Variants in PARD3 observed in about 807,000 individuals in gnomAD.
PARD3 encodes the protein par-3 family cell polarity regulator.
In PARD3, 75 loss-of-function variants were observed where a neutral mutation model predicts 155.4. The ratio of observed to expected loss-of-function variants is 0.48; its 90% CI spans 0.40 to 0.58. The LOEUF (loss-of-function observed/expected upper bound fraction) is 0.58. PARD3 is among the 20% of genes least tolerant of loss of function. PARD3 has a pLI of 0.00. For missense variants in PARD3, 1,642 were observed against 1,721.7 expected (o/e 0.95, Z 0.82); for synonymous variants, 576 against 610.5 (o/e 0.94, Z 0.83).
At chr10:34,666,366 T>C (rs991053343) in intron 2 of PARD3, among the ~76,000 whole-genome samples, 10 of 152,298 alleles carry the variant, frequency 6.6e-5, no homozygotes, top group African/African-American at 2.2e-4. Context: ...CCAATTACTA[T>C]TGAGTTTCTT....
rs973851783 is a variant in PARD3 at position 34,230,763 on chromosome 10, C to A, written c.3419+38894G>T. ...AGGGGCTGGGATTGGTGTGGTGGCT[C>A]ACGCCCATAATCCCAGTGCTTTGGG... On this transcript the variant is annotated intron_variant, in intron 22 of 24. Coordinates refer to ENST00000374788, the MANE Select transcript of PARD3 (RefSeq NM_001184785.2). Among the ~76,000 whole-genome samples, 14 of 152,120 alleles carry A rather than the reference C, an allele frequency of 9.2e-5. 1 individual carries two copies. The highest frequency in any genetic ancestry group is 3.4e-4 in the African/African-American group (14 of 41,366).
chr10:34,679,258 T>G (rs887067373), intron 2 of PARD3, among the ~76,000 whole-genome samples: 3 of 152,066 alleles, frequency 2.0e-5, no homozygotes, highest in African/African-American at 7.2e-5. Flanking sequence ...GACTCCAGGT[T>G]CACCAGGGAA....
intron 19 of PARD3, among the ~76,000 whole-genome samples, chr10:34,324,689 A>C (rs1247627017): frequency 2.0e-5 from 3 of 152,146 alleles, no homozygotes; most frequent in Non-Finnish European, 4.4e-5. Context: ...AAGATTAAGA[A>C]AGCTTGGTAA....
rs182205626 is a variant in PARD3, at chr10:34,573,242, G to A, written c.223-56083C>T. On this transcript the variant is annotated intron_variant, in intron 2 of 24. Transcript: ENST00000374788. ...GTGATGGCACATGTCTGTAGTCCCAGCTACTCAAGAGGCTGAGGTTGGAGG... is the reference window on the plus strand; with the variant it reads ...GTGATGGCACATGTCTGTAGTCCCAACTACTCAAGAGGCTGAGGTTGGAGG... Among the ~76,000 whole-genome samples, 30 of 152,152 alleles carry A rather than the reference G, an allele frequency of 2.0e-4. 1 individual carries two copies. In the East Asian group the frequency reaches 5.8e-3, roughly 29 times the overall value.
At chr10:34,447,892 T>C (rs2076837595) in intron 5 of PARD3, among the ~76,000 whole-genome samples, 1 of 152,142 alleles carries the variant, frequency 6.6e-6, no homozygotes, top group East Asian at 1.9e-4. Context: ...GGTGGTAATG[T>C]AAATTAGGAC....
Position 34,723,538 on chromosome 10 carries a change from T to A in PARD3, c.121-27119A>T, listed in dbSNP as rs1354529505. On this transcript the variant is annotated intron_variant, in intron 1 of 24. Coordinates refer to ENST00000374788, the MANE Select transcript of PARD3 (RefSeq NM_001184785.2). ...TTTAAGGTCACCTCTGATAAGATCA[T>A]AAACTTCTTTGAGCTCATATCACCA... Among the ~76,000 whole-genome samples, 6 of 152,346 alleles carry A rather than the reference T, an allele frequency of 3.9e-5. No homozygotes were observed. The South Asian group carries it at 6.2e-4, about 16-fold the overall frequency.
Position 34,563,478 on chromosome 10 carries a change from TGCCTCA to T in PARD3, c.223-46325_223-46320del, listed in dbSNP as rs1424365777. On this transcript the variant is annotated intron_variant, in intron 2 of 24. Coordinates refer to ENST00000374788, the MANE Select transcript of PARD3 (RefSeq NM_001184785.2). ...ACCTCCCGGGTTCAAGCGATTCTCC[TGCCTCA>T]GCCTCCCAAGTAGCTGTGAATATAG... Among the ~76,000 whole-genome samples, 3 of 151,614 alleles carry T rather than the reference TGCCTCA, an allele frequency of 2.0e-5. No homozygotes were observed. The East Asian group carries it at 5.8e-4, about 29-fold the overall frequency.
intron 22 of PARD3, among the ~76,000 whole-genome samples, chr10:34,154,187 T>C (rs686993): frequency 0.35 from 52,556 of 152,114 alleles, 9,660 homozygotes; most frequent in African/African-American, 0.47. Flanking sequence ...AGTTTTCTGA[T>C]GAACAGACTT....
chr10:34,399,485 CAAA>C, intron 6 of PARD3, 72 bp from the exon 7 acceptor site: 2 of 918,662 alleles, frequency 2.2e-6, no homozygotes, highest in Non-Finnish European at 3.6e-6. Flanking sequence ...CAAAACAAAA[CAAA>C]AAACTGCAAC....
At chr10:34,736,198 T>A (rs982337608) in intron 1 of PARD3, among the ~76,000 whole-genome samples, 1 of 151,628 alleles carries the variant, frequency 6.6e-6, no homozygotes, top group African/African-American at 2.4e-5. Context: ...CACCCGCTAA[T>A]TTTTTGTATT....
At chr10:34,282,025 C>A (rs952712083) in intron 21 of PARD3, among the ~76,000 whole-genome samples, 4 of 151,878 alleles carry the variant, frequency 2.6e-5, no homozygotes, top group Non-Finnish European at 5.9e-5. Flanking sequence ...AGTTTCCATT[C>A]TCAAAAAGAA....
At chr10:34,605,005 T>G (rs1054565971) in intron 2 of PARD3, among the ~76,000 whole-genome samples, 1 of 151,984 alleles carries the variant, frequency 6.6e-6, no homozygotes, top group Non-Finnish European at 1.5e-5. Context: ...AAATTGTAGA[T>G]TCACTAAGGG....
intron 22 of PARD3, among the ~76,000 whole-genome samples, chr10:34,211,273 T>C (rs1182302958): frequency 6.6e-6 from 1 of 152,140 alleles, no homozygotes; most frequent in Non-Finnish European, 1.5e-5. Flanking sequence ...TTGGGCCCAG[T>C]TCTGGCCCGT....
intron 2 of PARD3, among the ~76,000 whole-genome samples, chr10:34,563,602 C>T (rs1261574393): frequency 6.6e-6 from 1 of 150,860 alleles, no homozygotes; most frequent in Non-Finnish European, 1.5e-5. Flanking sequence ...ATGATATTGG[C>T]TCAGTGCAAC....
chr10:34,814,414 G>A (rs760363527), intron 1 of PARD3, among the ~76,000 whole-genome samples: 1 of 152,144 alleles, frequency 6.6e-6, no homozygotes, highest in East Asian at 1.9e-4. Flanking sequence ...TCTGTCGGAA[G>A]GGCAGTCACG....
chr10:34,390,222 C>A (rs1489507514), intron 7 of PARD3, among the ~76,000 whole-genome samples: 3 of 152,014 alleles, frequency 2.0e-5, no homozygotes, highest in Non-Finnish European at 4.4e-5. Context: ...CATATGTACC[C>A]AATTAACTAA....
chr10:34,542,607 A>G (rs950582760), intron 2 of PARD3, among the ~76,000 whole-genome samples: 2 of 152,226 alleles, frequency 1.3e-5, no homozygotes. Context: ...ATATGGATTT[A>G]TATGTGCATT....
chr10:34,292,143 C>T (rs1272669269), intron 20 of PARD3, among the ~76,000 whole-genome samples: 11 of 152,274 alleles, frequency 7.2e-5, no homozygotes, highest in African/African-American at 1.4e-4. Flanking sequence ...AGCAGAAGCA[C>T]GTCAAACTGC....
intron 22 of PARD3, among the ~76,000 whole-genome samples, chr10:34,139,050 A>T (rs1244462305): frequency 6.6e-6 from 1 of 152,146 alleles, no homozygotes; most frequent in Non-Finnish European, 1.5e-5. Context: ...GGGCAGAAAA[A>T]AATTCTATAG....
Sources: allele counts gnomAD v4.1 joint callset (sites outside exome capture counted in the v4.1 genomes callset), GRCh38; gene constraint gnomAD v4.1.1; transcripts MANE v1.5; gene names NCBI Gene and HGNC (gene_info 2026-07-23, HGNC 2026-07-21).